GALNT13: variants seen among roughly 807,000 people sequenced by gnomAD.
GALNT13 encodes polypeptide N-acetylgalactosaminyltransferase 13.
A neutral mutation model predicts 64.2 loss-of-function variants in GALNT13; 28 were observed. That is an observed-to-expected ratio of 0.44 (90% CI 0.32 to 0.60). The LOEUF is 0.60. GALNT13 is among the 20% of genes least tolerant of loss of function. GALNT13 has a pLI of 0.05. For synonymous variants in GALNT13, 214 were observed against 224.6 expected (o/e 0.95, Z 0.42); for missense variants, 577 against 669.8 (o/e 0.86, Z 1.53).
intron 11 of GALNT13, among the ~76,000 whole-genome samples, chr2:154,422,578 C>T (rs1358850047): frequency 2.0e-5 from 3 of 152,164 alleles, no homozygotes; most frequent in African/African-American, 7.2e-5. Context: ...TACTTCTACT[C>T]CAGCTCTCTA....
In GALNT13 at chr2:154,153,467, G is replaced by C. The variant is rs567450128; in HGVS notation, c.311+12962G>C. Among the ~76,000 whole-genome samples, 144 of 152,332 alleles carry C rather than the reference G, an allele frequency of 9.5e-4. 1 individual carries two copies. The highest frequency in any genetic ancestry group is 3.3e-3 in the African/African-American group (136 of 41,578). ...GCCACTGCTCTCTTCAAAGCTGTCA[G>C]ACAGGGACATTTAAGTCTGCAGAGT... On this transcript the variant is annotated intron_variant, in intron 4 of 12. Transcript: ENST00000392825.
the GALNT13 span, among the ~76,000 whole-genome samples, chr2:153,494,206 T>C: frequency 6.6e-6 from 1 of 152,024 alleles, no homozygotes; most frequent in Non-Finnish European, 1.5e-5. Flanking sequence ...AAAATTATAA[T>C]TTTTCCCAAT....
At chr2:153,242,303 T>G in the GALNT13 span, among the ~76,000 whole-genome samples, 2 of 152,146 alleles carry the variant, frequency 1.3e-5, no homozygotes, top group Non-Finnish European at 2.9e-5. Context: ...CCATCATGGA[T>G]AGCTTCTGAT....
chr2:154,323,138 G>A (rs1304005131), intron 9 of GALNT13, among the ~76,000 whole-genome samples: 2 of 151,402 alleles, frequency 1.3e-5, no homozygotes, highest in African/African-American at 4.9e-5. Flanking sequence ...TGTTTCAAAG[G>A]AAGGAGTAGC....
At chr2:153,974,470 A>G (rs542680712) in intron 3 of GALNT13, among the ~76,000 whole-genome samples, 3 of 152,172 alleles carry the variant, frequency 2.0e-5, no homozygotes, top group East Asian at 3.9e-4. Flanking sequence ...GTAAATATCT[A>G]TTGAGTGTTT....
chr2:153,577,228 T>C, the GALNT13 span, among the ~76,000 whole-genome samples: 1 of 152,182 alleles, frequency 6.6e-6, no homozygotes, highest in African/African-American at 2.4e-5. Flanking sequence ...ACCTTTCTTA[T>C]TGATATATAA....
At chr2:153,130,621 T>C in the GALNT13 span, among the ~76,000 whole-genome samples, 2 of 152,076 alleles carry the variant, frequency 1.3e-5, no homozygotes, top group African/African-American at 4.8e-5. Flanking sequence ...CCAGCTACTC[T>C]CCCACCTCAG....
the GALNT13 span, among the ~76,000 whole-genome samples, chr2:153,813,306 A>T: frequency 6.6e-6 from 1 of 152,222 alleles, no homozygotes. Flanking sequence ...TGATAAAACA[A>T]TCTTAAGATA....
At chr2:153,901,914 T>C (rs1211496124) in intron 2 of GALNT13, among the ~76,000 whole-genome samples, 5 of 152,144 alleles carry the variant, frequency 3.3e-5, no homozygotes, top group Admixed American at 6.6e-5. Context: ...CTTGCACTCC[T>C]TTTTAGTTGC....
intron 10 of GALNT13, among the ~76,000 whole-genome samples, chr2:154,397,946 T>C (rs960740863): frequency 2.6e-5 from 4 of 152,212 alleles, no homozygotes; most frequent in African/African-American, 9.6e-5. Context: ...ATTGTTGCTA[T>C]CATTTTCAAA....
At chr2:153,930,588 C>T (rs1163243568) in intron 2 of GALNT13, among the ~76,000 whole-genome samples, 3 of 152,134 alleles carry the variant, frequency 2.0e-5, no homozygotes, top group Admixed American at 6.6e-5. Flanking sequence ...GTCCGTTCCT[C>T]ATTGCTAGTT....
At chr2:153,191,661 G>T in the GALNT13 span, among the ~76,000 whole-genome samples, 1 of 151,232 alleles carries the variant, frequency 6.6e-6, no homozygotes, top group Non-Finnish European at 1.5e-5. Context: ...TTATAACTTC[G>T]GTAGAAGTTG....
At chr2:153,729,377 AAC>A in the GALNT13 span, among the ~76,000 whole-genome samples, 1 of 152,126 alleles carries the variant, frequency 6.6e-6, no homozygotes, top group Non-Finnish European at 1.5e-5. Flanking sequence ...TACGTTAACA[AAC>A]ACAGGCTTTT....
chr2:154,069,059 AG>A (rs1299822534), intron 3 of GALNT13, among the ~76,000 whole-genome samples: 1 of 152,068 alleles, frequency 6.6e-6, no homozygotes, highest in Non-Finnish European at 1.5e-5. Flanking sequence ...ATATTTAAAA[AG>A]TAAAAAGCAA....
At chr2:154,107,545 A>G (rs1702689648) in intron 3 of GALNT13, among the ~76,000 whole-genome samples, 1 of 150,060 alleles carries the variant, frequency 6.7e-6, no homozygotes, top group South Asian at 2.1e-4. Flanking sequence ...AGCCGAGATC[A>G]TGGAACTGCA....
the GALNT13 span, among the ~76,000 whole-genome samples, chr2:153,782,229 T>C: frequency 4.0e-4 from 61 of 152,336 alleles, no homozygotes; most frequent in African/African-American, 1.4e-3. Flanking sequence ...GTAAATATCA[T>C]AGATCTTTCT....
chr2:153,183,324 T>A, the GALNT13 span, among the ~76,000 whole-genome samples: 1 of 152,168 alleles, frequency 6.6e-6, no homozygotes, highest in African/African-American at 2.4e-5. Context: ...TTTAATGGGT[T>A]TTTTTTCTCA....
At chr2:154,062,559 C>T (rs1396047400) in intron 3 of GALNT13, among the ~76,000 whole-genome samples, 1 of 152,074 alleles carries the variant, frequency 6.6e-6, no homozygotes, top group Non-Finnish European at 1.5e-5. Context: ...AAATACCTCT[C>T]ACCATGCAGG....
At chr2:153,766,084 G>T in the GALNT13 span, among the ~76,000 whole-genome samples, 1 of 151,914 alleles carries the variant, frequency 6.6e-6, no homozygotes, top group Non-Finnish European at 1.5e-5. Flanking sequence ...TTATCTGGAC[G>T]TCTTTATTTT....
Sources: allele counts gnomAD v4.1 joint callset (sites outside exome capture counted in the v4.1 genomes callset), GRCh38; gene constraint gnomAD v4.1.1; transcripts MANE v1.5; gene names NCBI Gene and HGNC (gene_info 2026-07-23, HGNC 2026-07-21).